Variants in CDH13 observed in about 807,000 individuals in gnomAD.
CDH13 encodes cadherin-13.
A neutral mutation model predicts 63.8 loss-of-function variants in CDH13; 24 were observed. That is an observed-to-expected ratio of 0.38 (90% CI 0.27 to 0.53). The LOEUF (loss-of-function observed/expected upper bound fraction) is 0.53. Among genes scored for constraint, CDH13 ranks in the 20% least tolerant of loss-of-function variants. The pLI is 0.85. For missense variants in CDH13, 1,049 were observed against 903.1 expected, an observed-to-expected ratio of 1.16 and a Z score of -2.07; for synonymous variants, 503 against 355.3, an observed-to-expected ratio of 1.42 and a Z score of -4.67.
At chr16:82,908,618 C>G (rs1411052705) in intron 2 of CDH13, among the ~76,000 whole-genome samples, 1 of 152,126 alleles carries the variant, frequency 6.6e-6, no homozygotes. Flanking sequence ...ATATTCTTCC[C>G]TTAGAGGCAA....
chr16:83,229,760 C>G (rs1017566504), intron 5 of CDH13, among the ~76,000 whole-genome samples: 1 of 152,096 alleles, frequency 6.6e-6, no homozygotes, highest in Non-Finnish European at 1.5e-5. Context: ...GTTGGAAAGC[C>G]TGCAGGCCCA....
chr16:82,784,587 A>C (rs1325599128), intron 1 of CDH13, among the ~76,000 whole-genome samples: 2 of 152,168 alleles, frequency 1.3e-5, no homozygotes, highest in Non-Finnish European at 2.9e-5. Flanking sequence ...CATGGTTAGA[A>C]CCTAGTGAGG....
At chr16:83,522,879 C>G (rs1369596106) in intron 7 of CDH13, among the ~76,000 whole-genome samples, 1 of 152,214 alleles carries the variant, frequency 6.6e-6, no homozygotes, top group African/African-American at 2.4e-5. Flanking sequence ...CACTTTATGA[C>G]TCACCACCTA....
At chr16:83,007,079 C>T (rs1384637722) in intron 2 of CDH13, among the ~76,000 whole-genome samples, 1 of 151,968 alleles carries the variant, frequency 6.6e-6, no homozygotes, top group Non-Finnish European at 1.5e-5. Flanking sequence ...ATGCACCACG[C>T]CCAGCTAATT....
chr16:83,069,447 C>T (rs1232589490), intron 3 of CDH13, among the ~76,000 whole-genome samples: 1 of 152,152 alleles, frequency 6.6e-6, no homozygotes, highest in Non-Finnish European at 1.5e-5. Context: ...TTTATGTGAA[C>T]ATTTCATGTA....
chr16:82,913,565 G>A (rs937370444), intron 2 of CDH13, among the ~76,000 whole-genome samples: 1 of 152,152 alleles, frequency 6.6e-6, no homozygotes, highest in African/African-American at 2.4e-5. Context: ...TCAAACATGA[G>A]GCAATTTGGG....
At chr16:82,967,668 G>A (rs1908057886) in intron 2 of CDH13, among the ~76,000 whole-genome samples, 1 of 151,518 alleles carries the variant, frequency 6.6e-6, no homozygotes, top group African/African-American at 2.4e-5. Flanking sequence ...GACCCCCCCA[G>A]CCTGCTTTCA....
At position 83,553,795 on chromosome 16, in the gene CDH13, G is replaced by T. The variant is rs537112517; in HGVS notation, c.961-48659G>T. Among the ~76,000 whole-genome samples, 11 of 152,330 alleles carry T rather than the reference G, an allele frequency of 7.2e-5. No homozygotes were observed. The South Asian group carries it at 1.7e-3, about 23-fold the overall frequency. On this transcript the variant is annotated intron_variant, in intron 7 of 13. Coordinates refer to ENST00000567109, the MANE Select transcript of CDH13 (RefSeq NM_001257.5). ...TGGTCTTGAACTCCTGACCTCAGGT[G>T]ATCCACCTGCCTTGGCCTCCCAAAG...
intron 2 of CDH13, among the ~76,000 whole-genome samples, chr16:82,945,432 C>G (rs764670351): frequency 6.6e-6 from 1 of 152,168 alleles, no homozygotes; most frequent in Non-Finnish European, 1.5e-5. Flanking sequence ...GTTTCCTAGG[C>G]CACTGACTGA....
chr16:82,848,084 G>A (rs1183249691), intron 1 of CDH13, among the ~76,000 whole-genome samples: 1 of 152,146 alleles, frequency 6.6e-6, no homozygotes, highest in African/African-American at 2.4e-5. Flanking sequence ...CAAAGAGAAA[G>A]TTGGAGGTTT....
intron 1 of CDH13, among the ~76,000 whole-genome samples, chr16:82,652,038 A>G (rs1244866543): frequency 6.6e-6 from 1 of 152,228 alleles, no homozygotes; most frequent in Non-Finnish European, 1.5e-5. Flanking sequence ...GAAAGAAACA[A>G]CTTGCTCGGC....
At chr16:83,608,760 A>C (rs1908591760) in intron 8 of CDH13, among the ~76,000 whole-genome samples, 1 of 151,552 alleles carries the variant, frequency 6.6e-6, no homozygotes, top group African/African-American at 2.4e-5. Flanking sequence ...CACCCACCTA[A>C]GCTTCCCAAA....
At chr16:83,257,610 G>T (rs1906455055) in intron 5 of CDH13, among the ~76,000 whole-genome samples, 1 of 152,168 alleles carries the variant, frequency 6.6e-6, no homozygotes, top group African/African-American at 2.4e-5. Context: ...TTTATTTGTG[G>T]CTGTGTAGTA....
At chr16:83,402,971 A>G (rs1287005355) in intron 6 of CDH13, among the ~76,000 whole-genome samples, 1 of 152,126 alleles carries the variant, frequency 6.6e-6, no homozygotes, top group East Asian at 1.9e-4. Flanking sequence ...GCCCTTCAGG[A>G]GGACGCTGCT....
intron 7 of CDH13, among the ~76,000 whole-genome samples, chr16:83,599,792 A>C (rs979210999): frequency 6.6e-6 from 1 of 152,176 alleles, no homozygotes; most frequent in African/African-American, 2.4e-5. Flanking sequence ...ATTTTTTGTC[A>C]GTAATTGTGT....
chr16:82,910,626 A>G (rs1215071404), intron 2 of CDH13, among the ~76,000 whole-genome samples: 1 of 152,158 alleles, frequency 6.6e-6, no homozygotes, highest in Non-Finnish European at 1.5e-5. Flanking sequence ...TCTGTCCTAT[A>G]AGAAGGCTCC....
intron 7 of CDH13, among the ~76,000 whole-genome samples, chr16:83,556,773 G>C (rs1010457920): frequency 1.3e-5 from 2 of 152,164 alleles, no homozygotes; most frequent in Non-Finnish European, 2.9e-5. Flanking sequence ...TTTTCATGGG[G>C]CACCCCACAC....
chr16:82,790,318 C>G (rs2036236250), intron 1 of CDH13, among the ~76,000 whole-genome samples: 1 of 152,042 alleles, frequency 6.6e-6, no homozygotes, highest in Non-Finnish European at 1.5e-5. Context: ...ACCTGTAATC[C>G]TAACTACTCA....
intron 6 of CDH13, among the ~76,000 whole-genome samples, chr16:83,396,276 G>C (rs2091885240): frequency 1.3e-5 from 2 of 152,096 alleles, no homozygotes; most frequent in South Asian, 4.1e-4. Flanking sequence ...TATAAAATGG[G>C]GGTAATCCAT....
Sources: allele counts gnomAD v4.1 joint callset (sites outside exome capture counted in the v4.1 genomes callset), GRCh38; gene constraint gnomAD v4.1.1; transcripts MANE v1.5; gene names NCBI Gene and HGNC (gene_info 2026-07-23, HGNC 2026-07-21).